PCDHGA1: variants seen among roughly 807,000 people sequenced by gnomAD.
PCDHGA1 encodes the protein protocadherin gamma subfamily A, 1.
PCDHGA1 carries 32 observed loss-of-function variants against 58.0 expected under a neutral mutation model. The observed-to-expected ratio is 0.55, with a 90% CI of 0.42 to 0.74. The LOEUF (loss-of-function observed/expected upper bound fraction) is 0.74. PCDHGA1 is among the 30% of genes least tolerant of loss of function. PCDHGA1 has a pLI of 0.00. For missense variants in PCDHGA1, 1,205 were observed against 1,182.3 expected (o/e 1.02, Z -0.28); for synonymous variants, 498 against 501.1 (o/e 0.99, Z 0.08).
At chr5:141,392,693 C>T (rs1315405629) in intron 1 of PCDHGA1, 5 of 1,161,626 alleles carry the variant, frequency 4.3e-6, no homozygotes, top group Non-Finnish European at 5.8e-6. Context: ...GAAACCCGAC[C>T]CCTGTTTGGA....
chr5:141,399,407 C>T (rs1168752842), intron 1 of PCDHGA1: 5 of 1,613,914 alleles, frequency 3.1e-6, no homozygotes, highest in Non-Finnish European at 4.2e-6. Context: ...GGCAAGCCGC[C>T]CCTCTCCTCC....
rs1161979451 is a variant in PCDHGA1 at position 141,355,725 on chromosome 5, C to A, written c.2421+22620C>A. ...TGCAGGGTTACCAGCTCAACTCAAA[C>A]GGTTACTTTTCCCTGGACGTGCAAA... On this transcript the variant is annotated intron_variant, in intron 1 of 3. Transcript: ENST00000517417. The A allele has an allele frequency of 6.2e-7, 1 of 1,613,896 alleles. No individual in the cohort carries two copies. Among genetic ancestry groups the A allele is most frequent in the Non-Finnish European group, 8.5e-7 (1 of 1,179,892 alleles).
chr5:141,339,010 G>A lies in PCDHGA1; in HGVS notation c.2421+5905G>A, dbSNP rs758584829. The A allele has an allele frequency of 2.5e-6, 4 of 1,572,026 alleles. No homozygotes were observed. In the South Asian group the frequency reaches 4.6e-5, roughly 18 times the overall value. On this transcript the variant is annotated intron_variant, in intron 1 of 3. Coordinates refer to ENST00000517417, the MANE Select transcript of PCDHGA1 (RefSeq NM_018912.3). ...AAAAGTTGCCACACTGCAGAAAGCT[G>A]GTCCTGCTGTGCTTCCTTTTGGCGA...
intron 2 of PCDHGA1, among the ~76,000 whole-genome samples, chr5:141,496,628 C>T (rs928402582): frequency 2.0e-5 from 3 of 152,212 alleles, no homozygotes; most frequent in Non-Finnish European, 2.9e-5. Flanking sequence ...GATCAAAAGG[C>T]TTGGGCTGCC....
intron 1 of PCDHGA1, chr5:141,372,469 T>C (rs772203261): frequency 6.2e-7 from 1 of 1,614,020 alleles, no homozygotes; most frequent in Non-Finnish European, 8.5e-7. Context: ...CAGTTTCACC[T>C]AGTAGTGGCG....
In PCDHGA1 at chr5:141,389,258, C is replaced by T. The variant is rs373970987; in HGVS notation, c.2421+56153C>T. The stretch of plus-strand genomic sequence containing the variant: ...TCTCACAGTCTTCCTATATAGTCCA[C>T]GTGGCCGAGAACAACCCGCCTGGAG... On this transcript the variant is annotated intron_variant, in intron 1 of 3. Coordinates refer to ENST00000517417, the MANE Select transcript of PCDHGA1 (RefSeq NM_018912.3). 4 of 1,614,022 alleles carry T rather than the reference C, an allele frequency of 2.5e-6. No homozygotes were observed. The African/African-American group carries it at 4.0e-5, about 16-fold the overall frequency.
intron 1 of PCDHGA1, chr5:141,404,979 G>A (rs771576875): frequency 6.2e-7 from 1 of 1,613,994 alleles, no homozygotes; most frequent in Non-Finnish European, 8.5e-7. Context: ...GCTGACCTGG[G>A]CAGTCTTCAG....
chr5:141,345,886 C>A, intron 1 of PCDHGA1: 1 of 1,613,424 alleles, frequency 6.2e-7, no homozygotes, highest in Non-Finnish European at 8.5e-7. Flanking sequence ...GGACTCTTCT[C>A]GGTGGGTCTG....
intron 1 of PCDHGA1, chr5:141,344,132 C>T (rs1216708631): frequency 6.2e-7 from 1 of 1,613,918 alleles, no homozygotes. Flanking sequence ...AGATCCGCTA[C>T]TCGGTGTCTG....
chr5:141,498,565 G>C (rs2099784348), intron 2 of PCDHGA1, among the ~76,000 whole-genome samples: 1 of 152,044 alleles, frequency 6.6e-6, no homozygotes. Context: ...CTTCAAAGCA[G>C]GGCTAGTATT....
chr5:141,347,030 C>T (rs1466129961), intron 1 of PCDHGA1, among the ~76,000 whole-genome samples: 1 of 150,920 alleles, frequency 6.6e-6, no homozygotes, highest in Non-Finnish European at 1.5e-5. Flanking sequence ...TTTCCTCCTT[C>T]CTTCCTTCCT....
chr5:141,475,820 C>T (rs890721743), intron 1 of PCDHGA1: 2 of 351,808 alleles, frequency 5.7e-6, no homozygotes, highest in African/African-American at 2.1e-5. Context: ...AAGTTCCTGG[C>T]GCTAGCGCGT....
chr5:141,461,961 T>C (rs914134151), intron 1 of PCDHGA1, among the ~76,000 whole-genome samples: 3 of 152,192 alleles, frequency 2.0e-5, no homozygotes, highest in African/African-American at 7.2e-5. Context: ...GTAGCTGGGA[T>C]TCCAGGCATA....
Position 141,491,574 on chromosome 5 carries a change from T to G in PCDHGA1, c.2422-3233T>G. Reference sequence around the variant, plus strand: ...AGAGCCACTGCTACAGGACGTGCTTTTCACCGGCCTCGGACGGCAGTGACT... The same window carrying G: ...AGAGCCACTGCTACAGGACGTGCTTGTCACCGGCCTCGGACGGCAGTGACT... On this transcript the variant is annotated intron_variant, in intron 1 of 3. Transcript: ENST00000517417. This position sits in a 1 kb window ranked among gnomAD's most constrained non-coding sequence, Gnocchi z 6.9. The G allele has an allele frequency of 6.2e-7, 1 of 1,613,956 alleles. No homozygotes were observed. Among genetic ancestry groups the G allele is most frequent in the Non-Finnish European group, 8.5e-7 (1 of 1,180,032 alleles).
Position 141,431,132 on chromosome 5 carries a change from G to A in PCDHGA1, c.2422-63675G>A. On this transcript the variant is annotated intron_variant, in intron 1 of 3. Coordinates refer to ENST00000517417, the MANE Select transcript of PCDHGA1 (RefSeq NM_018912.3). This position sits in a 1 kb window ranked among gnomAD's most constrained non-coding sequence, Gnocchi z 4.8. ...ATATGGAGTAGAAGTAGAAGTAAGGGACATTAACGACAATGCGCCTTACTT... is the reference window on the plus strand; with the variant it reads ...ATATGGAGTAGAAGTAGAAGTAAGGAACATTAACGACAATGCGCCTTACTT... 2 of 1,614,232 alleles carry A rather than the reference G, an allele frequency of 1.2e-6. No individual in the cohort carries two copies. The highest frequency in any genetic ancestry group is 8.5e-7 in the Non-Finnish European group (1 of 1,180,024).
intron 1 of PCDHGA1, chr5:141,375,735 T>C: frequency 6.2e-7 from 1 of 1,614,254 alleles, no homozygotes; most frequent in Non-Finnish European, 8.5e-7. Context: ...CTGAGCCTGT[T>C]TGTGCTGGAC....
At chr5:141,339,794 G>C in intron 1 of PCDHGA1, 1 of 1,614,182 alleles carries the variant, frequency 6.2e-7, no homozygotes, top group East Asian at 2.2e-5. Context: ...GGGCTACTAC[G>C]CTCAAGTGGT....
intron 1 of PCDHGA1, chr5:141,427,474 A>G (rs373512099): frequency 3.7e-5 from 19 of 520,294 alleles, no homozygotes; most frequent in African/African-American, 1.5e-4. Context: ...TCTTCCGCCA[A>G]TAATGACTAT....
At chr5:141,399,318 G>A (rs772027563) in intron 1 of PCDHGA1, 19 of 1,613,830 alleles carry the variant, frequency 1.2e-5, no homozygotes, top group East Asian at 4.5e-5. Context: ...CCAAAAATTC[G>A]TATAAGTTGG....
Sources: gnomAD v4.1 joint callset for allele counts (sites outside exome capture counted in the v4.1 genomes callset) on GRCh38, gnomAD v4.1.1 for gene constraint, Gnocchi (gnomAD v3.1) non-coding constraint, MANE v1.5 for transcripts, NCBI Gene and HGNC (gene_info 2026-07-23, HGNC 2026-07-21) for gene names.